Variants in CELSR3 observed in about 807,000 individuals in gnomAD.
CELSR3 encodes the protein cadherin EGF LAG seven-pass G-type receptor 3, also known as EGF-like protein 1.
In CELSR3, 73 loss-of-function variants were observed where a neutral mutation model predicts 270.0. The ratio of observed to expected loss-of-function variants is 0.27; its 90% CI spans 0.22 to 0.33. The LOEUF is 0.33. Among genes scored for constraint, CELSR3 ranks in the 10% least tolerant of loss-of-function variants. The pLI, the probability that CELSR3 is intolerant of heterozygous loss-of-function variation, is 1.00. For synonymous variants in CELSR3, 1,780 were observed against 1,905.4 expected, an observed-to-expected ratio of 0.93 and a Z score of 1.71; for missense variants, 3,614 against 4,533.8, an observed-to-expected ratio of 0.80 and a Z score of 5.83.
At chr3:48,647,801 G>A (rs1171583645) in intron 20 of CELSR3, 40 bp downstream of exon 20, 2 of 1,594,310 alleles carry the variant, frequency 1.3e-6, no homozygotes, top group Non-Finnish European at 1.7e-6. Flanking sequence ...GGGGGACAGA[G>A]AGACAGGACT....
rs989649185 is a variant in CELSR3 at position 48,658,330 on chromosome 3, T to C, written c.3748+557A>G. ...TATTATGGAGGGGTTTCTGAAAGAC[T>C]GGAGCAGATGGGGCAGGAAAGAGGC... On this transcript the variant is annotated intron_variant, in intron 1 of 34. Transcript: ENST00000164024. This position sits in a 1 kb window ranked among gnomAD's most constrained non-coding sequence, Gnocchi z 4.7. Among the ~76,000 whole-genome samples the C allele has an allele frequency of 3.3e-5, 5 of 152,166 alleles. No individual in the cohort carries two copies. Among genetic ancestry groups the C allele is most frequent in the African/African-American group, 1.2e-4 (5 of 41,426 alleles).
intron 20 of CELSR3, 76 bp downstream of exon 20, chr3:48,647,764 GC>G: frequency 1.4e-6 from 2 of 1,462,932 alleles, no homozygotes; most frequent in South Asian, 2.4e-5. Context: ...GGGAAAATTG[GC>G]AGGAGGGCAA....
chr3:48,637,619 G>C lies in CELSR3; in HGVS notation c.*586C>G, dbSNP rs1341231252. 2 of 154,550 alleles carry C rather than the reference G, an allele frequency of 1.3e-5. No homozygotes were observed. Among genetic ancestry groups the C allele is most frequent in the South Asian group, 2.0e-4 (1 of 5,006 alleles). 9.6% of individuals were successfully genotyped at this position (154,550 alleles called of 1,614,324 possible). A position where few individuals can be genotyped will look rare whatever the true frequency, so the allele number is the denominator to read the frequency against. On this transcript the variant is annotated 3_prime_UTR_variant, in exon 35 of 35. Coordinates refer to ENST00000164024, the MANE Select transcript of CELSR3 (RefSeq NM_001407.3). ...ATAAACACACACATCCACCAGGAGGGGCGGTATGAGCAAGCCCCCATGAGG... is the reference window on the plus strand; with the variant it reads ...ATAAACACACACATCCACCAGGAGGCGCGGTATGAGCAAGCCCCCATGAGG...
chr3:48,656,924 C>A lies in CELSR3; in HGVS notation c.4173G>T (p.Val1391=), dbSNP rs1459462990. The A allele has an allele frequency of 6.2e-7, 1 of 1,611,488 alleles. No individual in the cohort carries two copies. Among genetic ancestry groups the A allele is most frequent in the African/African-American group, 1.3e-5 (1 of 75,012 alleles). ...CGGACGAGTCAAAGCGGAGCACGGA[C>A]ACGCATTTCATGTAGTTCTCACAGG... ...REPCENYMKC[V]SVLRFDSSAP... is the part of the protein sequence containing the mutation. Residue 1391 remains valine, a synonymous_variant, in exon 2 of 35, where the codon GTG becomes GTT. Coordinates refer to ENST00000164024, the MANE Select transcript of CELSR3 (RefSeq NM_001407.3).
In CELSR3 at chr3:48,642,809, C is replaced by A; in HGVS notation, c.8482G>T (p.Val2828Phe). 6.2e-7 allele frequency: 1 copy of A among 1,613,040 alleles called. No homozygotes were observed. Among genetic ancestry groups the A allele is most frequent in the Non-Finnish European group, 8.5e-7 (1 of 1,179,966 alleles). The change falls in exon 30 of 35, where the codon GTC becomes TTC. Residue 2828 changes from valine (V) to phenylalanine (F), a missense_variant. Val to Phe is a conservative substitution (Grantham distance 50, BLOSUM62 -1). Transcript: ENST00000164024. The surrounding 1 kb of genome is among the most constrained non-coding windows in gnomAD (Gnocchi z 6.1). ...GAGCGGGCACTGCTCACAGAGGAGA[C>A]GGTGGAGGCGCCCAGAGTGATGCGG... Reference protein sequence around the residue: ...LIRITLGASTVSSVSSARSGR... With the variant: ...LIRITLGASTFSSVSSARSGR...
Position 48,650,729 on chromosome 3 carries a change from G to A in CELSR3, c.6371-148C>T, listed in dbSNP as rs549728893. 3.9e-6 allele frequency: 4 copies of A among 1,036,726 alleles called. No individual in the cohort carries two copies. Among genetic ancestry groups the A allele is most frequent in the Non-Finnish European group, 5.6e-6 (4 of 717,880 alleles). 64.2% of individuals were successfully genotyped at this position (1,036,726 alleles called of 1,614,324 possible). A position where few individuals can be genotyped will look rare whatever the true frequency, so the allele number is the denominator to read the frequency against. The stretch of plus-strand genomic sequence containing the variant: ...AGCTGACCTGTCAGATTCTGTGACA[G>A]GTCAGCAAAGTACTTGGGGCAAAGG... On this transcript the variant is annotated intron_variant, in intron 15 of 34. Transcript: ENST00000164024. This position sits in a 1 kb window ranked among gnomAD's most constrained non-coding sequence, Gnocchi z 5.1.
chr3:48,650,525 TTGTC>T lies in CELSR3; in HGVS notation c.6423_6426del (p.Thr2142SerfsTer51). The T allele has an allele frequency of 6.6e-7, 1 of 1,525,768 alleles. No individual in the cohort carries two copies. The highest frequency in any genetic ancestry group is 2.7e-5 in the East Asian group (1 of 37,092). 94.5% of individuals were successfully genotyped at this position (1,525,768 alleles called of 1,614,324 possible). ...GGCACTGTGGCCAGGACGCCAAACT[TTGTC>T]TGGGGCCACCACACACCAGATCTCA... On this transcript the variant is annotated frameshift_variant, in exon 16 of 35. Transcript: ENST00000164024. LOFTEE classifies it high-confidence loss of function. This position sits in a 1 kb window ranked among gnomAD's most constrained non-coding sequence, Gnocchi z 5.1.
rs779892303 is a variant in CELSR3 at position 48,641,204 on chromosome 3, C to T, written c.9025+120G>A. ...GTGAAGCAGGCTAGAGAAGCAGAAG[C>T]GCCCTAGGTCAGAGTAAGAAGAGCT... On this transcript the variant is annotated intron_variant, in intron 33 of 34. Transcript: ENST00000164024. The surrounding 1 kb of genome is among the most constrained non-coding windows in gnomAD (Gnocchi z 4.8). 11 of 714,122 alleles carry T rather than the reference C, an allele frequency of 1.5e-5. No individual in the cohort carries two copies. The highest frequency in any genetic ancestry group is 5.3e-5 in the African/African-American group (3 of 56,530). 44.2% of individuals were successfully genotyped at this position (714,122 alleles called of 1,614,324 possible).
In CELSR3 at chr3:48,661,652, T is replaced by C; in HGVS notation, c.983A>G (p.Tyr328Cys). The C allele has an allele frequency of 1.3e-6, 2 of 1,592,952 alleles. No individual in the cohort carries two copies. Among genetic ancestry groups the C allele is most frequent in the Non-Finnish European group, 1.7e-6 (2 of 1,169,656 alleles). ...AANRHPQFPQ[Y>C]NYQTLVPENE... Reference sequence around the variant, plus strand: ...CTCCGGCACCAGCGTCTGGTAGTTGTACTGCGGAAACTGCGGGTGGCGGTT... The same window carrying C: ...CTCCGGCACCAGCGTCTGGTAGTTGCACTGCGGAAACTGCGGGTGGCGGTT... Residue 328 changes from tyrosine to cysteine, a missense_variant, in exon 1 of 35, where the codon TAC becomes TGC. Tyr to Cys is a radical substitution (Grantham distance 194). Around this residue, in one of 7 missense-constraint regions of CELSR3, gnomAD observed 470 missense variants for 469.7 expected, o/e 1.00. Transcript: ENST00000164024.
chr3:48,648,238 G>GGGCCC, intron 19 of CELSR3, 28 bp downstream of exon 19: 41 of 1,342,592 alleles, frequency 3.1e-5, no homozygotes, highest in Non-Finnish European at 4.0e-5. Context: ...CCCCTGCTGT[G>GGGCCC]CCCCGCCCTA....
chr3:48,641,231 T>A lies in CELSR3; in HGVS notation c.9025+93A>T. The A allele has an allele frequency of 1.2e-6, 1 of 838,150 alleles. No homozygotes were observed. The highest frequency in any genetic ancestry group is 2.0e-6 in the Non-Finnish European group (1 of 500,006). The allele number at this position is 838,150 out of a possible 1,614,324, so 51.9% of individuals were successfully genotyped here. A position where few individuals can be genotyped will look rare whatever the true frequency, so the allele number is the denominator to read the frequency against. ...CCCTAGGTCAGAGTAAGAAGAGCTC[T>A]CAGTTTGGGATGAGGAAGCTGCAAT... On this transcript the variant is annotated intron_variant, in intron 33 of 34. Coordinates refer to ENST00000164024, the MANE Select transcript of CELSR3 (RefSeq NM_001407.3). This position sits in a 1 kb window ranked among gnomAD's most constrained non-coding sequence, Gnocchi z 4.8.
In CELSR3 at chr3:48,651,199, G is replaced by T; in HGVS notation, c.6187-124C>A. On this transcript the variant is annotated intron_variant, in intron 14 of 34. Coordinates refer to ENST00000164024, the MANE Select transcript of CELSR3 (RefSeq NM_001407.3). This position sits in a 1 kb window ranked among gnomAD's most constrained non-coding sequence, Gnocchi z 7.4. ...AGAGGACACCTGGGTCATGCGTGAA[G>T]CCAAGGGAGGGGTCACGGGTAAAGG... is the stretch of plus-strand genomic sequence containing the variant. 1.4e-6 allele frequency: 2 copies of T among 1,439,652 alleles called. No individual in the cohort carries two copies. Among genetic ancestry groups the T allele is most frequent in the Non-Finnish European group, 1.9e-6 (2 of 1,048,352 alleles). The allele number at this position is 1,439,652 out of a possible 1,614,324, so 89.2% of individuals were successfully genotyped here. A position where few individuals can be genotyped will look rare whatever the true frequency, so the allele number is the denominator to read the frequency against.
chr3:48,656,483 G>A, intron 2 of CELSR3, 118 bp from the exon 3 acceptor site: 2 of 1,147,354 alleles, frequency 1.7e-6, no homozygotes, highest in Non-Finnish European at 2.3e-6. Flanking sequence ...CGCCCTCTTC[G>A]GTGGACACGC....
rs1176256522 is a variant in CELSR3 at position 48,652,082 on chromosome 3, T to C, written c.5752-34A>G. On this transcript the variant is annotated intron_variant, in intron 11 of 34. Transcript: ENST00000164024. The surrounding 1 kb of genome is among the most constrained non-coding windows in gnomAD (Gnocchi z 4.3). ...ACACAGCCAGCAAGGGGTGAGACCA[T>C]GTTAAGGCACCTCAGCCTCAAGTAC... The C allele has an allele frequency of 1.3e-6, 2 of 1,497,042 alleles. No individual in the cohort carries two copies. Among genetic ancestry groups the C allele is most frequent in the East Asian group, 2.4e-5 (1 of 42,296 alleles). 92.7% of individuals were successfully genotyped at this position (1,497,042 alleles called of 1,614,324 possible). A position where few individuals can be genotyped will look rare whatever the true frequency, so the allele number is the denominator to read the frequency against.
At position 48,640,636 on chromosome 3, in the gene CELSR3, G is replaced by A. The variant is rs1262439674; in HGVS notation, c.9026-77C>T. On this transcript the variant is annotated intron_variant, in intron 33 of 34. Transcript: ENST00000164024. This position sits in a 1 kb window ranked among gnomAD's most constrained non-coding sequence, Gnocchi z 7.5. ...GGCAGGAATTGCTGAGTCTAGGGGTGTGGCAGCCCTTGGGATCCTTCCAAC... is the reference window on the plus strand; with the variant it reads ...GGCAGGAATTGCTGAGTCTAGGGGTATGGCAGCCCTTGGGATCCTTCCAAC... The A allele has an allele frequency of 2.8e-6, 4 of 1,420,896 alleles. No homozygotes were observed. The highest frequency in any genetic ancestry group is 2.8e-6 in the Non-Finnish European group (3 of 1,069,652). 88.0% of individuals were successfully genotyped at this position (1,420,896 alleles called of 1,614,324 possible). A position where few individuals can be genotyped will look rare whatever the true frequency, so the allele number is the denominator to read the frequency against.
At position 48,661,885 on chromosome 3, in the gene CELSR3, G is replaced by A. The variant is rs924617398; in HGVS notation, c.750C>T (p.Arg250=). The change falls in exon 1 of 35, where the codon CGC becomes CGT. Residue 250 remains arginine, a synonymous_variant. Transcript: ENST00000164024. The stretch of plus-strand genomic sequence containing the variant: ...CTGATGCAGGAGCTGTCCTCGCCGT[G>A]CGTGGTGCTGAATCCAGCTCGGGGC... The part of the protein sequence containing the change: ...GSGPELDSAP[R]TARTAPASGS... The A allele has an allele frequency of 6.2e-7, 1 of 1,611,588 alleles. No individual in the cohort carries two copies. The highest frequency in any genetic ancestry group is 8.5e-7 in the Non-Finnish European group (1 of 1,179,700).
chr3:48,650,516 C>A lies in CELSR3; in HGVS notation c.6436G>T (p.Val2146Phe). The A allele has an allele frequency of 6.2e-7, 1 of 1,608,752 alleles. No individual in the cohort carries two copies. Among genetic ancestry groups the A allele is most frequent in the Non-Finnish European group, 8.5e-7 (1 of 1,178,056 alleles). ...CGGGGACAGGGCACTGTGGCCAGGACGCCAAACTTTGTCTGGGGCCACCAC... is the reference window on the plus strand; with the variant it reads ...CGGGGACAGGGCACTGTGGCCAGGAAGCCAAACTTTGTCTGGGGCCACCAC... ...GVWWPQTKFG[V>F]LATVPCPRGA... Residue 2146 changes from valine to phenylalanine, a missense_variant, in exon 16 of 35, where the codon GTC becomes TTC. Val to Phe is a conservative substitution (Grantham distance 50, BLOSUM62 -1). This residue lies in a region of CELSR3 where 1,331 missense variants were observed against 1,933.7 expected (regional missense o/e 0.69). Transcript: ENST00000164024. This position sits in a 1 kb window ranked among gnomAD's most constrained non-coding sequence, Gnocchi z 5.1.
rs1184588246 is a variant in CELSR3, at chr3:48,662,844, C to T, written c.-210G>A. On this transcript the variant is annotated 5_prime_UTR_variant, in exon 1 of 35. It adds an upstream start codon to the 5' untranslated region. Transcript: ENST00000164024. This position sits in a 1 kb window ranked among gnomAD's most constrained non-coding sequence, Gnocchi z 7.1. ...GCGGCCCTGGCTTTTTCCGCCCCCA[C>T]CACAGCATCCCCGACGCTGCTGCCG... is the stretch of plus-strand genomic sequence containing the variant. The T allele has an allele frequency of 3.0e-6, 1 of 328,656 alleles. No homozygotes were observed. 20.4% of individuals were successfully genotyped at this position (328,656 alleles called of 1,614,324 possible). A position where few individuals can be genotyped will look rare whatever the true frequency, so the allele number is the denominator to read the frequency against.
At position 48,659,287 on chromosome 3, in the gene CELSR3, T is replaced by C. The variant is rs767507332; in HGVS notation, c.3348A>G (p.Gln1116=). 1 of 1,614,172 alleles carries C rather than the reference T, an allele frequency of 6.2e-7. No homozygotes were observed. Among genetic ancestry groups the C allele is most frequent in the African/African-American group, 1.3e-5 (1 of 75,010 alleles). The change falls in exon 1 of 35, where the codon CAA becomes CAG. Residue 1116 remains glutamine (Q), a synonymous_variant. Transcript: ENST00000164024. The surrounding 1 kb of genome is among the most constrained non-coding windows in gnomAD (Gnocchi z 8.1). ...TCAGTTCTCCAGAGAAGATGTCCAT[T>C]TGGAACAGCTCAGGGATGTTCCCCT... ...IVEGNIPELF[Q]MDIFSGELTA...
Sources: gnomAD v4.1 joint callset for allele counts (sites outside exome capture counted in the v4.1 genomes callset) on GRCh38, gnomAD v4.1.1 for gene constraint, gnomAD v4.1.1 regional missense constraint, Gnocchi (gnomAD v3.1) non-coding constraint, MANE v1.5 for transcripts, NCBI Gene and HGNC (gene_info 2026-07-23, HGNC 2026-07-21) for gene names.